CNTN5: variants seen among roughly 807,000 people sequenced by gnomAD.
CNTN5 encodes the protein contactin 5.
Under a neutral mutation model 129.1 loss-of-function variants are expected in CNTN5, and 77 were observed. The observed-to-expected ratio is 0.60, with a 90% confidence interval of 0.50 to 0.72. CNTN5 has a LOEUF of 0.72. Among genes scored for constraint, CNTN5 ranks in the 30% least tolerant of loss-of-function variants. The pLI is 0.00. For synonymous variants in CNTN5, 509 were observed against 465.6 expected, an observed-to-expected ratio of 1.09 and a Z score of -1.20; for missense variants, 1,478 against 1,328.8, an observed-to-expected ratio of 1.11 and a Z score of -1.75.
intron 1 of CNTN5, among the ~76,000 whole-genome samples, chr11:99,062,859 A>G (rs779874587): frequency 2.0e-5 from 3 of 152,150 alleles, no homozygotes; most frequent in Non-Finnish European, 2.9e-5. Context: ...AGAATCCAAG[A>G]AATTGTTAAA....
At chr11:99,273,818 A>C (rs954838367) in intron 1 of CNTN5, among the ~76,000 whole-genome samples, 1 of 151,728 alleles carries the variant, frequency 6.6e-6, no homozygotes, top group East Asian at 1.9e-4. Flanking sequence ...TGAATAGTCA[A>C]ATCATCTTCA....
intron 3 of CNTN5, among the ~76,000 whole-genome samples, chr11:99,787,179 A>G (rs1162874137): frequency 1.3e-5 from 2 of 151,026 alleles, no homozygotes; most frequent in Admixed American, 1.3e-4. Flanking sequence ...TTTGGCTTTA[A>G]GAGGATGATC....
At chr11:99,368,980 C>A (rs568456733) in intron 2 of CNTN5, among the ~76,000 whole-genome samples, 51 of 151,766 alleles carry the variant, frequency 3.4e-4, no homozygotes, top group African/African-American at 1.2e-3. Flanking sequence ...CCACAATTGG[C>A]AAAAGTTTTT....
intron 10 of CNTN5, among the ~76,000 whole-genome samples, chr11:100,067,392 T>G (rs949124309): frequency 6.6e-6 from 1 of 151,988 alleles, no homozygotes; most frequent in Admixed American, 6.6e-5. Flanking sequence ...TTATATCAAG[T>G]CAATTAACAA....
chr11:100,264,800 A>G (rs1170203280), intron 17 of CNTN5, among the ~76,000 whole-genome samples: 2 of 152,128 alleles, frequency 1.3e-5, no homozygotes, highest in East Asian at 1.9e-4. Flanking sequence ...TCCTTGAGAA[A>G]TCACCACACT....
At chr11:99,674,250 A>G (rs1019128769) in intron 3 of CNTN5, among the ~76,000 whole-genome samples, 1 of 151,352 alleles carries the variant, frequency 6.6e-6, no homozygotes, top group Non-Finnish European at 1.5e-5. Flanking sequence ...GGCTGCATAT[A>G]TGCCTTCTTT....
chr11:99,183,505 C>T (rs1858186270), intron 1 of CNTN5, among the ~76,000 whole-genome samples: 2 of 152,062 alleles, frequency 1.3e-5, no homozygotes, highest in East Asian at 1.9e-4. Flanking sequence ...CCACTCCTCT[C>T]CTCTTAAAAT....
intron 6 of CNTN5, among the ~76,000 whole-genome samples, chr11:99,911,833 T>A (rs928879867): frequency 1.3e-5 from 2 of 152,052 alleles, no homozygotes; most frequent in South Asian, 2.1e-4. Context: ...GTCTATGAAG[T>A]CTTTCAGGAG....
chr11:99,465,893 TTCC>T (rs1944916007), intron 2 of CNTN5, among the ~76,000 whole-genome samples: 1 of 149,004 alleles, frequency 6.7e-6, no homozygotes, highest in Admixed American at 6.7e-5. Context: ...TTTTTTTTTT[TTCC>T]TTTGAGACGG....
At chr11:99,838,429 C>G (rs1215698435) in intron 4 of CNTN5, among the ~76,000 whole-genome samples, 1 of 151,922 alleles carries the variant, frequency 6.6e-6, no homozygotes, top group Non-Finnish European at 1.5e-5. Flanking sequence ...AATTTTCTCA[C>G]AATTAATATA....
chr11:100,016,045 G>C (rs901428515), intron 9 of CNTN5, among the ~76,000 whole-genome samples: 1 of 152,030 alleles, frequency 6.6e-6, no homozygotes, highest in African/African-American at 2.4e-5. Flanking sequence ...GTTGTAATAT[G>C]AGAAAACTTT....
chr11:99,292,100 T>A (rs889667176), intron 1 of CNTN5, among the ~76,000 whole-genome samples: 3 of 152,026 alleles, frequency 2.0e-5, no homozygotes, highest in African/African-American at 7.2e-5. Context: ...GTAGAAACAG[T>A]ACTAATGTAA....
chr11:99,035,240 T>C (rs1411327741), intron 1 of CNTN5, among the ~76,000 whole-genome samples: 3 of 149,712 alleles, frequency 2.0e-5, no homozygotes, highest in Non-Finnish European at 4.5e-5. Context: ...AAAAAATGTA[T>C]ATTCTGTTGA....
Position 100,279,662 on chromosome 11 carries a change from C to A in CNTN5, c.2314+8421C>A, listed in dbSNP as rs78836660. On this transcript the variant is annotated intron_variant, in intron 18 of 24. Coordinates refer to ENST00000524871, the MANE Select transcript of CNTN5 (RefSeq NM_014361.4). The stretch of plus-strand genomic sequence containing the variant: ...TCTGCAGTGTGAGATGTAATGTCTC[C>A]TTTTTATGTCTGATTTTGCTTATTT... Among the ~76,000 whole-genome samples, 1,140 of 151,766 alleles carry A rather than the reference C, an allele frequency of 7.5e-3. 22 individuals carry two copies. Among genetic ancestry groups the A allele is most frequent in the East Asian group, 0.041 (213 of 5,158 alleles).
intron 1 of CNTN5, among the ~76,000 whole-genome samples, chr11:99,276,366 A>G (rs1247831740): frequency 6.6e-6 from 1 of 151,680 alleles, no homozygotes; most frequent in African/African-American, 2.4e-5. Flanking sequence ...AAATAATAAA[A>G]CATTTAATAA....
At chr11:99,412,744 A>G (rs777498196) in intron 2 of CNTN5, among the ~76,000 whole-genome samples, 1 of 152,194 alleles carries the variant, frequency 6.6e-6, no homozygotes, top group Non-Finnish European at 1.5e-5. Context: ...ACAACGTTAT[A>G]GTGCATTCTT....
intron 24 of CNTN5, among the ~76,000 whole-genome samples, chr11:100,352,059 A>G (rs1185316580): frequency 6.6e-6 from 1 of 151,712 alleles, no homozygotes; most frequent in African/African-American, 2.4e-5. Flanking sequence ...GGTTTGTTAC[A>G]CAGGTAAACT....
chr11:99,367,715 A>G (rs1228179725), intron 2 of CNTN5, among the ~76,000 whole-genome samples: 1 of 152,154 alleles, frequency 6.6e-6, no homozygotes, highest in Non-Finnish European at 1.5e-5. Flanking sequence ...GTACCTGATC[A>G]CAAGAGAAAG....
intron 2 of CNTN5, among the ~76,000 whole-genome samples, chr11:99,549,809 C>A (rs1484400208): frequency 6.6e-6 from 1 of 152,116 alleles, no homozygotes; most frequent in African/African-American, 2.4e-5. Context: ...TGGTAGGAAT[C>A]ACAAACTATT....
Sources: gnomAD v4.1 joint callset for allele counts (sites outside exome capture counted in the v4.1 genomes callset) on GRCh38, gnomAD v4.1.1 for gene constraint, MANE v1.5 for transcripts, NCBI Gene and HGNC (gene_info 2026-07-23, HGNC 2026-07-21) for gene names.